The following CAMKK2 variants were observed in gnomAD, a reference collection of about 807,000 sequenced individuals.
CAMKK2 encodes the protein calcium/calmodulin dependent protein kinase kinase 2, also known as calcium/calmodulin-dependent protein kinase kinase 2.
Under a neutral mutation model 67.2 loss-of-function variants are expected in CAMKK2, and 30 were observed. The observed-to-expected ratio is 0.45, with a 90% CI of 0.33 to 0.61. CAMKK2 has a LOEUF of 0.61. CAMKK2 is among the 20% of genes least tolerant of loss of function. The pLI is 0.02. For synonymous variants in CAMKK2, 322 were observed against 326.2 expected, an observed-to-expected ratio of 0.99 and a Z score of 0.14; for missense variants, 643 against 802.0, an observed-to-expected ratio of 0.80 and a Z score of 2.39.
At chr12:121,272,086 C>A (rs1300260278) in intron 2 of CAMKK2, among the ~76,000 whole-genome samples, 1 of 152,214 alleles carries the variant, frequency 6.6e-6, no homozygotes, top group African/African-American at 2.4e-5. Flanking sequence ...AGTGATCCTC[C>A]CGCCTCAGTC....
chr12:121,252,744 ATAAGGGGTGGTCCAGCCTC>A, intron 10 of CAMKK2, 30 bp from the exon 11 acceptor site: 1 of 1,611,848 alleles, frequency 6.2e-7, no homozygotes, highest in Non-Finnish European at 8.5e-7. Flanking sequence ...GTGTGAGGGC[ATAAGGGGTGGTCCAGCCTC>A]CAATCCTCCA....
chr12:121,252,502 T>TGGTGATCCGC (rs1555248971), intron 11 of CAMKK2, among the ~76,000 whole-genome samples, 159 bp downstream of exon 11: 1 of 151,718 alleles, frequency 6.6e-6, no homozygotes, highest in Admixed American at 6.6e-5. Context: ...ACTCCTAACC[T>TGGTGATCCGC]CTGCCTCAGC....
At chr12:121,294,684 T>C (rs1593540675) in intron 1 of CAMKK2, among the ~76,000 whole-genome samples, 3 of 152,168 alleles carry the variant, frequency 2.0e-5, no homozygotes, top group Non-Finnish European at 4.4e-5. Context: ...AGCCCTTCTA[T>C]AAAATGGGGC....
chr12:121,260,195 G>T, intron 7 of CAMKK2, 124 bp downstream of exon 7: 3 of 797,680 alleles, frequency 3.8e-6, no homozygotes, highest in Non-Finnish European at 5.9e-6. Context: ...GGGCCAGCTG[G>T]ACCAGGAAAG....
At chr12:121,272,136 A>C (rs1315947631) in intron 2 of CAMKK2, among the ~76,000 whole-genome samples, 2 of 152,214 alleles carry the variant, frequency 1.3e-5, no homozygotes, top group Non-Finnish European at 2.9e-5. Flanking sequence ...CCATTGTACC[A>C]GGCCTTGACA....
Position 121,253,476 on chromosome 12 carries a change from G to C in CAMKK2, c.908-4C>G, listed in dbSNP as rs1891206065. 6.2e-7 allele frequency: 1 copy of C among 1,613,828 alleles called. No individual in the cohort carries two copies. The highest frequency in any genetic ancestry group is 8.5e-7 in the Non-Finnish European group (1 of 1,179,862). ...TGGATGATCTTCTGGTAGTGTACTG[G>C]GGAGGCGTAGACAGCAGGTGGGAGA... On this transcript the variant is annotated splice_polypyrimidine_tract_variant and splice_region_variant and intron_variant, in intron 9 of 16. Transcript: ENST00000404169. The surrounding 1 kb of genome is among the most constrained non-coding windows in gnomAD (Gnocchi z 5.0).
chr12:121,297,584 A>G (rs1041028839), upstream of CAMKK2: 2 of 516,422 alleles, frequency 3.9e-6, no homozygotes, highest in Non-Finnish European at 7.7e-6. Flanking sequence ...GCTGGATAAC[A>G]GCACTGTGCG....
At chr12:121,260,074 C>T (rs1346172388) in intron 7 of CAMKK2, among the ~76,000 whole-genome samples, 1 of 152,296 alleles carries the variant, frequency 6.6e-6, no homozygotes, top group African/African-American at 2.4e-5. Context: ...CGGAGCAAGA[C>T]CCTGACTCAA....
intron 7 of CAMKK2, 136 bp from the exon 8 acceptor site, chr12:121,255,940 T>C: frequency 2.4e-6 from 2 of 821,304 alleles, no homozygotes; most frequent in Non-Finnish European, 4.1e-6. Flanking sequence ...AGAGGAACAG[T>C]CCACTGAACC....
At chr12:121,264,151 G>A (rs1198075821) in intron 5 of CAMKK2, among the ~76,000 whole-genome samples, 1 of 152,230 alleles carries the variant, frequency 6.6e-6, no homozygotes, top group African/African-American at 2.4e-5. Flanking sequence ...GCCGTCCTGT[G>A]AATTCCCTCC....
At chr12:121,244,742 G>C in intron 15 of CAMKK2, 127 bp from the exon 16 acceptor site, 1 of 747,576 alleles carries the variant, frequency 1.3e-6, no homozygotes. Flanking sequence ...AGCCAGGGTG[G>C]CGTTGACAGC....
At chr12:121,297,498 A>T (rs1397270086), upstream of CAMKK2, 1 of 441,706 alleles carries the variant, frequency 2.3e-6, no homozygotes, top group South Asian at 1.6e-5. Context: ...TTTTTGTGAA[A>T]TACAGCATAT....
intron 16 of CAMKK2, chr12:121,243,948 C>A: frequency 2.1e-6 from 3 of 1,449,850 alleles, no homozygotes; most frequent in Non-Finnish European, 1.8e-6. Context: ...CAGGGGTGCC[C>A]AGCAGGTTCT....
Position 121,274,308 on chromosome 12 carries a change from G to A in CAMKK2, c.219C>T (p.Pro73=), listed in dbSNP as rs372040958. 1 of 1,613,010 alleles carries A rather than the reference G, an allele frequency of 6.2e-7. No homozygotes were observed. The highest frequency in any genetic ancestry group is 8.5e-7 in the Non-Finnish European group (1 of 1,179,790). Reference sequence around the variant, plus strand: ...GGACCTCTTGGCCATCGGCCTCCAGGGGCCGGTCCCGCGCCAAGCCGAGGT... The same window carrying A: ...GGACCTCTTGGCCATCGGCCTCCAGAGGCCGGTCCCGCGCCAAGCCGAGGT... ...AVDLGLARDR[P]LEADGQEVPL... is the part of the protein sequence containing the mutation. Residue 73 remains proline (P), a synonymous_variant, in exon 2 of 17, where the codon CCC becomes CCT. Coordinates refer to ENST00000404169, the MANE Select transcript of CAMKK2 (RefSeq NM_001270485.2).
intron 1 of CAMKK2, among the ~76,000 whole-genome samples, chr12:121,295,323 A>T (rs1006220750): frequency 2.0e-5 from 3 of 152,056 alleles, no homozygotes; most frequent in African/African-American, 7.3e-5. Context: ...CTTCCTCCAT[A>T]GGAAGGGTGT....
intron 1 of CAMKK2, among the ~76,000 whole-genome samples, chr12:121,289,985 G>A (rs1184735707): frequency 6.6e-6 from 1 of 151,914 alleles, no homozygotes; most frequent in Admixed American, 6.6e-5. Flanking sequence ...ACAGATCCCA[G>A]AGGACCTTGA....
In CAMKK2 at chr12:121,285,120, G is replaced by T. The variant is rs1038482093; in HGVS notation, c.-59-10535C>A. Among the ~76,000 whole-genome samples the T allele has an allele frequency of 2.0e-5, 3 of 152,216 alleles. No homozygotes were observed. The highest frequency in any genetic ancestry group is 4.4e-5 in the Non-Finnish European group (3 of 68,040). ...TCCATATGAGAGGTGGCCCTACAGG[G>T]CTGACCCCACCATCAGCTTCAGAGA... On this transcript the variant is annotated intron_variant, in intron 1 of 16. Coordinates refer to ENST00000404169, the MANE Select transcript of CAMKK2 (RefSeq NM_001270485.2). This position sits in a 1 kb window ranked among gnomAD's most constrained non-coding sequence, Gnocchi z 4.1.
chr12:121,278,360 G>C (rs139254159), intron 1 of CAMKK2, among the ~76,000 whole-genome samples: 11 of 152,312 alleles, frequency 7.2e-5, no homozygotes, highest in African/African-American at 2.6e-4. Flanking sequence ...ATAGTCATAG[G>C]ATTAGATGAA....
At chr12:121,247,141 G>A (rs901688231) in intron 14 of CAMKK2, among the ~76,000 whole-genome samples, 1 of 151,752 alleles carries the variant, frequency 6.6e-6, no homozygotes, top group African/African-American at 2.4e-5. Context: ...GCCCTCTCTC[G>A]GCGGAGTTAA....
Sources: gnomAD v4.1 joint callset for allele counts (sites outside exome capture counted in the v4.1 genomes callset) on GRCh38, gnomAD v4.1.1 for gene constraint, Gnocchi (gnomAD v3.1) non-coding constraint, MANE v1.5 for transcripts, NCBI Gene and HGNC (gene_info 2026-07-23, HGNC 2026-07-21) for gene names.